The following LIPC variants were observed in gnomAD, a reference collection of about 807,000 sequenced individuals.
The protein encoded by LIPC is lipase C, hepatic type, also known as hepatic triacylglycerol lipase.
A neutral mutation model predicts 50.7 loss-of-function variants in LIPC; 44 were observed. The ratio of observed to expected loss-of-function variants is 0.87; its 90% CI spans 0.68 to 1.11. The LOEUF (loss-of-function observed/expected upper bound fraction) is 1.11, where lower values mean the gene tolerates loss of function less well. LIPC is among the 50% of genes most tolerant of loss of function. The pLI, the probability that LIPC is intolerant of heterozygous loss-of-function variation, is 0.00. For synonymous variants in LIPC, 271 were observed against 256.4 expected, an observed-to-expected ratio of 1.06 and a Z score of -0.54; for missense variants, 697 against 648.2, an observed-to-expected ratio of 1.08 and a Z score of -0.82.
At chr15:58,468,935 C>T (rs1894676452) in intron 1 of LIPC, among the ~76,000 whole-genome samples, 1 of 152,204 alleles carries the variant, frequency 6.6e-6, no homozygotes, top group Non-Finnish European at 1.5e-5. Context: ...CACTTGTTTG[C>T]ACAGCTACTA....
intron 1 of LIPC, among the ~76,000 whole-genome samples, chr15:58,491,491 G>A (rs2140807744): frequency 6.6e-6 from 1 of 152,278 alleles, no homozygotes; most frequent in South Asian, 2.1e-4. Flanking sequence ...AAAACAATAA[G>A]AGGTGCTAAA....
chr15:58,471,522 T>G (rs1890806173), intron 1 of LIPC, among the ~76,000 whole-genome samples: 1 of 152,268 alleles, frequency 6.6e-6, no homozygotes, highest in South Asian at 2.1e-4. Flanking sequence ...AACTCTAAGA[T>G]TACATCAGGC....
intron 1 of LIPC, among the ~76,000 whole-genome samples, chr15:58,440,382 G>A (rs1442689590): frequency 6.6e-6 from 1 of 152,184 alleles, no homozygotes; most frequent in Non-Finnish European, 1.5e-5. Flanking sequence ...AGTGACAAAT[G>A]TTCCAGCTTC....
At chr15:58,451,963 G>C (rs1259897900) in intron 1 of LIPC, among the ~76,000 whole-genome samples, 2 of 152,176 alleles carry the variant, frequency 1.3e-5, no homozygotes, top group Non-Finnish European at 2.9e-5. Context: ...GGGATTTTCA[G>C]TTAGTTCTGT....
At chr15:58,469,932 A>AT (rs1185183159) in intron 1 of LIPC, among the ~76,000 whole-genome samples, 1 of 37,378 alleles carries the variant, frequency 2.7e-5, no homozygotes, top group Non-Finnish European at 5.7e-5. Context: ...ATCTTCATGG[A>AT]ATTTTTTTTT....
intron 1 of LIPC, among the ~76,000 whole-genome samples, chr15:58,453,826 G>C (rs1234323614): frequency 6.6e-6 from 1 of 150,888 alleles, no homozygotes; most frequent in East Asian, 1.9e-4. Context: ...AGAGAGCGAG[G>C]CTGCAGTGAG....
chr15:58,477,737 G>A (rs1891047167), intron 1 of LIPC, among the ~76,000 whole-genome samples: 1 of 151,984 alleles, frequency 6.6e-6, no homozygotes, highest in African/African-American at 2.4e-5. Context: ...CTTAATTTAA[G>A]AAACTGCTTG....
intron 1 of LIPC, among the ~76,000 whole-genome samples, chr15:58,452,869 G>A (rs1196154385): frequency 6.6e-6 from 1 of 152,208 alleles, no homozygotes; most frequent in Non-Finnish European, 1.5e-5. Context: ...TCTTGTGAGT[G>A]GTCTGCTCTT....
At chr15:58,513,719 A>T (rs547590779) in intron 1 of LIPC, among the ~76,000 whole-genome samples, 1 of 152,336 alleles carries the variant, frequency 6.6e-6, no homozygotes, top group East Asian at 1.9e-4. Flanking sequence ...GCCTCAAAGC[A>T]ACTCCCTCAG....
intron 1 of LIPC, 37 bp downstream of exon 1, chr15:58,432,157 C>G (rs1329121071): frequency 2.8e-6 from 4 of 1,450,678 alleles, no homozygotes; most frequent in Non-Finnish European, 3.9e-6. Flanking sequence ...TGGGCATGAA[C>G]TTTTCTTTTT....
At chr15:58,523,900 A>T (rs1275292374) in intron 1 of LIPC, among the ~76,000 whole-genome samples, 1 of 152,228 alleles carries the variant, frequency 6.6e-6, no homozygotes, top group Admixed American at 6.5e-5. Flanking sequence ...ACTACACTCC[A>T]GCCCAGGCAA....
intron 1 of LIPC, chr15:58,522,973 G>T (rs764014865): frequency 1.3e-5 from 2 of 152,336 alleles, no homozygotes; most frequent in East Asian, 3.9e-4. Flanking sequence ...CCAGAGCTGC[G>T]TGAGCACCAG....
intron 1 of LIPC, among the ~76,000 whole-genome samples, chr15:58,514,299 T>A (rs1271066291): frequency 6.6e-6 from 1 of 152,184 alleles, no homozygotes; most frequent in African/African-American, 2.4e-5. Flanking sequence ...GTGATTAAAG[T>A]CAAACAATGT....
chr15:58,444,316 C>T (rs775303661), intron 1 of LIPC, among the ~76,000 whole-genome samples: 28 of 152,308 alleles, frequency 1.8e-4, no homozygotes, highest in East Asian at 3.9e-4. Flanking sequence ...GATAAACAAA[C>T]GACCAGTGTG....
chr15:58,567,071 G>T (rs569394334), intron 8 of LIPC, among the ~76,000 whole-genome samples: 1 of 151,386 alleles, frequency 6.6e-6, no homozygotes, highest in African/African-American at 2.4e-5. Context: ...GCGTGGTGGC[G>T]CATGCCTATA....
intron 8 of LIPC, chr15:58,566,440 C>T (rs536088705): frequency 3.7e-5 from 36 of 984,962 alleles, no homozygotes; most frequent in African/African-American, 1.2e-4. Flanking sequence ...TAGTGATAAA[C>T]GAGAATCATA....
intron 1 of LIPC, chr15:58,521,544 A>C (rs1892651880): frequency 6.6e-6 from 1 of 152,418 alleles, no homozygotes; most frequent in African/African-American, 2.4e-5. Flanking sequence ...GGGACCTGCG[A>C]GCAGCTATGG....
At chr15:58,556,302 G>A (rs1893948906) in intron 6 of LIPC, among the ~76,000 whole-genome samples, 2 of 152,264 alleles carry the variant, frequency 1.3e-5, no homozygotes, top group South Asian at 4.1e-4. Flanking sequence ...AAGCAGTAGT[G>A]TGGTTCCGAG....
chr15:58,523,369 C>G (rs1892709973), intron 1 of LIPC: 1 of 85,256 alleles, frequency 1.2e-5, no homozygotes, highest in Non-Finnish European at 3.1e-5. Context: ...TAGCTGAAAT[C>G]AAGGGCCACT....
Sources: gnomAD v4.1 joint callset for allele counts (sites outside exome capture counted in the v4.1 genomes callset) on GRCh38, gnomAD v4.1.1 for gene constraint, MANE v1.5 for transcripts, NCBI Gene and HGNC (gene_info 2026-07-23, HGNC 2026-07-21) for gene names.